LRRTM4: variants seen among roughly 807,000 people sequenced by gnomAD.
LRRTM4 encodes the protein leucine-rich repeat transmembrane neuronal protein 4.
LRRTM4 carries 25 observed loss-of-function variants against 47.6 expected under a neutral mutation model. The observed-to-expected ratio is 0.53, with a 90% CI of 0.38 to 0.73. The LOEUF (loss-of-function observed/expected upper bound fraction) is 0.73, where lower values mean the gene tolerates loss of function less well. Among genes scored for constraint, LRRTM4 ranks in the 30% least tolerant of loss-of-function variants. The pLI, the probability that LRRTM4 is intolerant of heterozygous loss-of-function variation, is 0.00. For synonymous variants in LRRTM4, 311 were observed against 269.5 expected (o/e 1.15, Z -1.51); for missense variants, 638 against 713.4 (o/e 0.89, Z 1.20).
chr2:76,909,245 A>G (rs1673961767), intron 3 of LRRTM4, among the ~76,000 whole-genome samples: 1 of 152,252 alleles, frequency 6.6e-6, no homozygotes, highest in Non-Finnish European at 1.5e-5. Context: ...CAATGGGGAA[A>G]GGATTCCCTG....
chr2:76,905,345 T>A (rs559384736), intron 3 of LRRTM4, among the ~76,000 whole-genome samples: 87 of 152,096 alleles, frequency 5.7e-4, no homozygotes, highest in African/African-American at 2.0e-3. Flanking sequence ...CAAAATCCCA[T>A]CTGTACATCA....
chr2:77,068,861 G>A (rs1042375635), intron 3 of LRRTM4, among the ~76,000 whole-genome samples: 1 of 152,194 alleles, frequency 6.6e-6, no homozygotes, highest in African/African-American at 2.4e-5. Context: ...GGGTTTACCG[G>A]AATGAGGGCA....
At chr2:76,852,729 A>T (rs888729640) in intron 3 of LRRTM4, among the ~76,000 whole-genome samples, 1 of 152,188 alleles carries the variant, frequency 6.6e-6, no homozygotes, top group African/African-American at 2.4e-5. Context: ...TTCAGAACTC[A>T]AAGTGTGGAG....
intron 3 of LRRTM4, among the ~76,000 whole-genome samples, chr2:76,932,504 A>G (rs114753220): frequency 0.012 from 1,857 of 152,242 alleles, 40 homozygotes; most frequent in African/African-American, 0.042. Context: ...TGAGTGCAAA[A>G]AAATATTACA....
chr2:77,047,841 GT>G (rs1214889834), intron 3 of LRRTM4, among the ~76,000 whole-genome samples: 1 of 151,992 alleles, frequency 6.6e-6, no homozygotes, highest in African/African-American at 2.4e-5. Flanking sequence ...AACTATTAGG[GT>G]TTATGAACTT....
intron 3 of LRRTM4, among the ~76,000 whole-genome samples, chr2:76,975,178 A>G (rs1676376164): frequency 6.6e-6 from 1 of 151,728 alleles, no homozygotes; most frequent in African/African-American, 2.4e-5. Context: ...AGGAAAACCC[A>G]TAATTTGTTT....
chr2:76,811,124 T>G (rs534925396), intron 3 of LRRTM4, among the ~76,000 whole-genome samples: 1 of 152,296 alleles, frequency 6.6e-6, no homozygotes, highest in Admixed American at 6.5e-5. Context: ...CCTTACCTTT[T>G]ACCAGCCATG....
intron 3 of LRRTM4, among the ~76,000 whole-genome samples, chr2:77,016,509 T>C (rs960947936): frequency 1.3e-5 from 2 of 152,084 alleles, no homozygotes; most frequent in African/African-American, 4.8e-5. Flanking sequence ...TTCCATATGG[T>C]CTGTAAGCCT....
intron 3 of LRRTM4, among the ~76,000 whole-genome samples, chr2:76,965,587 T>C (rs898824379): frequency 1.3e-5 from 2 of 151,304 alleles, no homozygotes; most frequent in African/African-American, 2.4e-5. Context: ...TTAACTCTTA[T>C]AATTATTATT....
rs192487262 is a variant in LRRTM4, at chr2:76,941,015, G to T, written c.1552-192099C>A. Reference sequence around the variant, plus strand: ...CATAGTAAAAGCAGCTCAAGTGTTTGGTGATTATTGTTGTTTTTAAATTTG... The same window carrying T: ...CATAGTAAAAGCAGCTCAAGTGTTTTGTGATTATTGTTGTTTTTAAATTTG... On this transcript the variant is annotated intron_variant, in intron 3 of 3. Transcript: ENST00000409884. 2.6e-4 allele frequency among the ~76,000 whole-genome samples: 39 copies of T among 152,190 alleles called. No homozygotes were observed. The East Asian group carries it at 7.3e-3, about 29-fold the overall frequency.
rs1389549130 is a variant in LRRTM4 at position 77,083,799 on chromosome 2, T to TG, written c.1552-334884_1552-334883insC. ...CTGGACACACTTTTTTTTTTTTTTT[T>TG]TTTTTTTTTTTTTTTTTTTTTTTCA... is the stretch of plus-strand genomic sequence containing the variant. On this transcript the variant is annotated intron_variant, in intron 3 of 3. Transcript: ENST00000409884. 3.8e-3 allele frequency among the ~76,000 whole-genome samples: 393 copies of TG among 102,214 alleles called. 9 individuals are homozygous for TG. The highest frequency in any genetic ancestry group is 0.011 in the African/African-American group (284 of 25,714). 67.1% of individuals were successfully genotyped at this position (102,214 alleles called of 152,430 possible).
At chr2:77,124,117 G>C (rs1437914391) in intron 3 of LRRTM4, among the ~76,000 whole-genome samples, 1 of 151,988 alleles carries the variant, frequency 6.6e-6, no homozygotes, top group African/African-American at 2.4e-5. Context: ...GGAAAATAAA[G>C]CCATAGAGAT....
chr2:77,498,720 C>A (rs1463910520), intron 3 of LRRTM4, among the ~76,000 whole-genome samples: 1 of 151,746 alleles, frequency 6.6e-6, no homozygotes, highest in African/African-American at 2.4e-5. Context: ...ATTCTTTAAG[C>A]CTATAGTACT....
At chr2:77,085,326 G>T (rs1039458729) in intron 3 of LRRTM4, among the ~76,000 whole-genome samples, 4 of 149,734 alleles carry the variant, frequency 2.7e-5, no homozygotes, top group Non-Finnish European at 5.9e-5. Flanking sequence ...AATAATTTAA[G>T]AATCATTGTT....
At chr2:77,246,051 C>G (rs1434828882) in intron 3 of LRRTM4, among the ~76,000 whole-genome samples, 1 of 152,168 alleles carries the variant, frequency 6.6e-6, no homozygotes, top group African/African-American at 2.4e-5. Flanking sequence ...CTGGGTTTTT[C>G]TGATCCCAGT....
At chr2:77,299,426 TCA>T (rs1399561089) in intron 3 of LRRTM4, among the ~76,000 whole-genome samples, 1 of 151,820 alleles carries the variant, frequency 6.6e-6, no homozygotes, top group African/African-American at 2.4e-5. Context: ...CACACAGATA[TCA>T]CAGTCTTATT....
chr2:77,027,437 GT>G (rs1678493353), intron 3 of LRRTM4, among the ~76,000 whole-genome samples: 1 of 152,124 alleles, frequency 6.6e-6, no homozygotes, highest in Admixed American at 6.6e-5. Context: ...TGATTAAAAG[GT>G]TTTAGAAGCA....
chr2:76,785,356 G>A (rs1204522884), intron 3 of LRRTM4, among the ~76,000 whole-genome samples: 2 of 152,054 alleles, frequency 1.3e-5, no homozygotes, highest in Non-Finnish European at 2.9e-5. Context: ...GCAAAATAGA[G>A]CATCAACTTA....
intron 3 of LRRTM4, among the ~76,000 whole-genome samples, chr2:77,011,371 T>G (rs1157263531): frequency 6.6e-6 from 1 of 152,100 alleles, no homozygotes; most frequent in Non-Finnish European, 1.5e-5. Flanking sequence ...GCTATCACAT[T>G]GGATAGAATA....
Sources: allele counts gnomAD v4.1 joint callset (sites outside exome capture counted in the v4.1 genomes callset), GRCh38; gene constraint gnomAD v4.1.1; transcripts MANE v1.5; gene names NCBI Gene and HGNC (gene_info 2026-07-23, HGNC 2026-07-21).